The following SGK1 variants were observed in gnomAD, a reference collection of about 807,000 sequenced individuals.
SGK1 encodes serum/glucocorticoid regulated kinase 1.
A neutral mutation model predicts 64.2 loss-of-function variants in SGK1; 26 were observed. The ratio of observed to expected loss-of-function variants is 0.40; its 90% CI spans 0.30 to 0.56. The LOEUF (loss-of-function observed/expected upper bound fraction) is 0.56. Among genes scored for constraint, SGK1 ranks in the 20% least tolerant of loss-of-function variants. The pLI, the probability that SGK1 is intolerant of heterozygous loss-of-function variation, is 0.38. For missense variants in SGK1, 519 were observed against 645.6 expected, an observed-to-expected ratio of 0.80 and a Z score of 2.12; for synonymous variants, 265 against 239.7, an observed-to-expected ratio of 1.11 and a Z score of -0.98.
intron 2 of SGK1, chr6:134,260,940 T>C (rs2114747167): frequency 6.6e-6 from 1 of 152,342 alleles, no homozygotes; most frequent in East Asian, 1.9e-4. Context: ...CTAAATATTG[T>C]ATTTTTATGT....
chr6:134,229,262 C>A (rs1200175966), intron 2 of SGK1, among the ~76,000 whole-genome samples: 1 of 152,248 alleles, frequency 6.6e-6, no homozygotes, highest in African/African-American at 2.4e-5. Context: ...CTGTAAACGT[C>A]CCTTTCCCTT....
chr6:134,313,338 C>T (rs1777634171), intron 1 of SGK1, among the ~76,000 whole-genome samples: 1 of 152,116 alleles, frequency 6.6e-6, no homozygotes, highest in Non-Finnish European at 1.5e-5. Flanking sequence ...GACCTTGTCT[C>T]TGCAAACAAC....
At chr6:134,171,437 T>C in intron 11 of SGK1, 200 bp downstream of exon 11, 1 of 611,160 alleles carries the variant, frequency 1.6e-6, no homozygotes, top group Non-Finnish European at 2.9e-6. Context: ...TTCAATGTGG[T>C]CCTATCTAGT....
chr6:134,170,366 T>A lies in SGK1; in HGVS notation c.1483A>T (p.Lys495Ter). ...GTGACGAGGACGCTGTCAGGGGACT[T>A]GCCAATGGAGTTGGGGACAGGCTCT... is the stretch of plus-strand genomic sequence containing the variant. Reference protein sequence around the residue: ...TEEPVPNSIGKSPDSVLVTAS... With the variant: ...TEEPVPNSIG Residue 495 changes from lysine (K) to a stop codon, truncating the protein, a stop_gained, in exon 14 of 14, where the codon AAG becomes TAG. Coordinates refer to ENST00000367858, the MANE Select transcript of SGK1 (RefSeq NM_001143676.3). LOFTEE classifies it high-confidence loss of function. 6.2e-7 allele frequency: 1 copy of A among 1,614,102 alleles called. No homozygotes were observed. The highest frequency in any genetic ancestry group is 8.5e-7 in the Non-Finnish European group (1 of 1,179,960).
chr6:134,182,143 C>T (rs1775341426), intron 3 of SGK1, among the ~76,000 whole-genome samples: 1 of 152,126 alleles, frequency 6.6e-6, no homozygotes, highest in Non-Finnish European at 1.5e-5. Context: ...CAAGTGTGAG[C>T]CACTGTGCCT....
chr6:134,210,238 C>T (rs1775867044), intron 2 of SGK1, among the ~76,000 whole-genome samples: 1 of 152,160 alleles, frequency 6.6e-6, no homozygotes, highest in South Asian at 2.1e-4. Flanking sequence ...AGAAAGAAAT[C>T]ATACCATATG....
rs113335398 is a variant in SGK1, at chr6:134,263,586, T to A, written c.70-1438A>T. On this transcript the variant is annotated intron_variant, in intron 1 of 13. Coordinates refer to ENST00000367858, the MANE Select transcript of SGK1 (RefSeq NM_001143676.3). ...AAGAAATTGCTTCTGGCTAAGAAATTAGCTCAAGTTTGTTTTTAAAGTTCT... is the reference window on the plus strand; with the variant it reads ...AAGAAATTGCTTCTGGCTAAGAAATAAGCTCAAGTTTGTTTTTAAAGTTCT... Among the ~76,000 whole-genome samples, 1,447 of 152,276 alleles carry A rather than the reference T, an allele frequency of 9.5e-3. 26 individuals carry two copies. The highest frequency in any genetic ancestry group is 0.033 in the African/African-American group (1,367 of 41,544).
At chr6:134,226,390 T>G (rs555056915) in intron 2 of SGK1, among the ~76,000 whole-genome samples, 37 of 152,254 alleles carry the variant, frequency 2.4e-4, no homozygotes, top group African/African-American at 8.7e-4. Flanking sequence ...GATTTTTATT[T>G]TGTTTTTGTT....
rs1743965 is a variant in SGK1, at chr6:134,173,410, C to A, written c.618+52G>T. ...TTTCTATCCTCATCCAGGGAGAATA[C>A]AAAAGAGGACATGAAGGAAGTGTAC... On this transcript the variant is annotated intron_variant, in intron 6 of 13. Transcript: ENST00000367858. 7 of 1,585,462 alleles carry A rather than the reference C, an allele frequency of 4.4e-6. No homozygotes were observed. The African/African-American group carries it at 8.1e-5, about 18-fold the overall frequency.
chr6:134,240,677 TG>T (rs1299284406), intron 2 of SGK1, among the ~76,000 whole-genome samples: 1 of 152,224 alleles, frequency 6.6e-6, no homozygotes, highest in Non-Finnish European at 1.5e-5. Context: ...ATATATTAGT[TG>T]TCATTATTCC....
At chr6:134,211,696 AAAG>A (rs1169029971) in intron 2 of SGK1, among the ~76,000 whole-genome samples, 12 of 152,134 alleles carry the variant, frequency 7.9e-5, no homozygotes, top group African/African-American at 1.4e-4. Flanking sequence ...AAAATAAAAG[AAAG>A]AAGAAGAACA....
chr6:134,315,501 CT>C (rs11302234), intron 1 of SGK1, among the ~76,000 whole-genome samples: 17,801 of 152,180 alleles, frequency 0.12, 1,204 homozygotes, highest in East Asian at 0.27. Context: ...GGTAAACTTG[CT>C]TTTAAGCAAA....
intron 3 of SGK1, among the ~76,000 whole-genome samples, chr6:134,188,853 C>T (rs560870792): frequency 2.0e-5 from 3 of 151,886 alleles, no homozygotes; most frequent in South Asian, 4.2e-4. Flanking sequence ...CCACTTCAGC[C>T]TCCTGAGTAT....
chr6:134,298,957 T>C (rs971363472), intron 1 of SGK1, among the ~76,000 whole-genome samples: 3 of 151,676 alleles, frequency 2.0e-5, no homozygotes, highest in African/African-American at 4.8e-5. Flanking sequence ...TGCACTACCA[T>C]GCCCAGCTAA....
intron 2 of SGK1, among the ~76,000 whole-genome samples, chr6:134,257,529 T>C (rs1743948): frequency 0.64 from 97,919 of 152,108 alleles, 32,384 homozygotes; most frequent in South Asian, 0.78. Context: ...TATCTTTACA[T>C]ATAGAATACA....
At chr6:134,174,643 G>T (rs767593786) in intron 3 of SGK1, 57 bp from the exon 4 acceptor site, 3 of 1,601,094 alleles carry the variant, frequency 1.9e-6, no homozygotes, top group East Asian at 2.2e-5. Context: ...AACGTCCGGC[G>T]CCACACACAC....
intron 1 of SGK1, among the ~76,000 whole-genome samples, chr6:134,316,772 A>G (rs13220587): frequency 1.7e-5 from 2 of 116,330 alleles, no homozygotes; most frequent in Non-Finnish European, 1.8e-5. Flanking sequence ...AAAAAAAAAA[A>G]GGCAGTTATT....
rs988982949 is a variant in SGK1 at position 134,175,043 on chromosome 6, C to T, written c.362-457G>A. ...GTTCTGTCCCCATTGAGAGGGCGAG[C>T]CCCGGGCGGGGGCGCGAGGACCGCC... On this transcript the variant is annotated intron_variant, in intron 3 of 13. Coordinates refer to ENST00000367858, the MANE Select transcript of SGK1 (RefSeq NM_001143676.3). 19 of 714,542 alleles carry T rather than the reference C, an allele frequency of 2.7e-5. No homozygotes were observed. The African/African-American group carries it at 3.4e-4, about 13-fold the overall frequency. The allele number at this position is 714,542 out of a possible 1,614,324, so 44.3% of individuals were successfully genotyped here. A position where few individuals can be genotyped will look rare whatever the true frequency, so the allele number is the denominator to read the frequency against.
chr6:134,225,512 C>G (rs751562637), intron 2 of SGK1, among the ~76,000 whole-genome samples: 21 of 152,120 alleles, frequency 1.4e-4, no homozygotes, highest in South Asian at 4.1e-4. Context: ...CCACTGCAAT[C>G]TGCTATTGAG....
Sources: gnomAD v4.1 joint callset for allele counts (sites outside exome capture counted in the v4.1 genomes callset) on GRCh38, gnomAD v4.1.1 for gene constraint, MANE v1.5 for transcripts, NCBI Gene and HGNC (gene_info 2026-07-23, HGNC 2026-07-21) for gene names.